Variants in CEP89 observed in about 807,000 individuals in gnomAD.
CEP89 encodes the protein centrosomal protein 89.
A neutral mutation model predicts 97.6 loss-of-function variants in CEP89; 95 were observed. The ratio of observed to expected loss-of-function variants is 0.97; its 90% CI spans 0.82 to 1.15. The LOEUF is 1.15. Among genes scored for constraint, CEP89 ranks in the 50% most tolerant of loss-of-function variants. CEP89 has a pLI of 0.00. For synonymous variants in CEP89, 354 were observed against 349.1 expected (o/e 1.01, Z -0.16); for missense variants, 869 against 947.7 (o/e 0.92, Z 1.09).
At chr19:32,888,844 C>T (rs1969454388) in intron 16 of CEP89, among the ~76,000 whole-genome samples, 1 of 151,948 alleles carries the variant, frequency 6.6e-6, no homozygotes, top group South Asian at 2.1e-4. Context: ...AAGTCTCGCT[C>T]TGTCACCCAG....
intron 14 of CEP89, among the ~76,000 whole-genome samples, chr19:32,908,833 C>G (rs1212055220): frequency 6.6e-6 from 1 of 152,218 alleles, no homozygotes; most frequent in East Asian, 1.9e-4. Context: ...GGTTATGCCT[C>G]AGGCAAAGGT....
At chr19:32,958,782 C>T (rs1971103277) in intron 3 of CEP89, among the ~76,000 whole-genome samples, 2 of 152,058 alleles carry the variant, frequency 1.3e-5, no homozygotes, top group Admixed American at 6.6e-5. Context: ...TTTGGGAGGC[C>T]GAGGCGGGTG....
rs1015593017 is a variant in CEP89, at chr19:32,915,642, C to T, written c.1385-125G>A. On this transcript the variant is annotated intron_variant, in intron 13 of 18. Coordinates refer to ENST00000305768, the MANE Select transcript of CEP89 (RefSeq NM_032816.5). ...ATGACCTTTTAAAGATCTTTTGAGC[C>T]AGACGTGGTGGCTCACACCTGTAAT... 7.7e-5 allele frequency: 70 copies of T among 907,934 alleles called. No individual in the cohort carries two copies. In the African/African-American group the frequency reaches 9.5e-4, roughly 12 times the overall value. 56.2% of individuals were successfully genotyped at this position (907,934 alleles called of 1,614,324 possible).
intron 12 of CEP89, among the ~76,000 whole-genome samples, chr19:32,920,984 G>A (rs1259157528): frequency 4.0e-5 from 6 of 151,826 alleles, no homozygotes; most frequent in Non-Finnish European, 5.9e-5. Flanking sequence ...TTGGGAGGCC[G>A]AGGCGGGCAG....
intron 12 of CEP89, among the ~76,000 whole-genome samples, chr19:32,918,805 C>G (rs1212313055): frequency 6.7e-6 from 1 of 149,316 alleles, no homozygotes; most frequent in Non-Finnish European, 1.5e-5. Flanking sequence ...CAAAACAAAA[C>G]AAAACAAAAA....
intron 13 of CEP89, chr19:32,917,708 A>T: frequency 1.5e-6 from 1 of 681,072 alleles, no homozygotes; most frequent in Non-Finnish European, 1.8e-6. Context: ...TGAGGCTCCT[A>T]GGGGTTGGGG....
At chr19:32,957,680 C>T (rs768999320) in intron 3 of CEP89, among the ~76,000 whole-genome samples, 10 of 151,920 alleles carry the variant, frequency 6.6e-5, no homozygotes, top group Non-Finnish European at 1.2e-4. Flanking sequence ...TGTAGTGGCG[C>T]ACAACTGTAG....
intron 11 of CEP89, among the ~76,000 whole-genome samples, chr19:32,924,227 A>G (rs1293193955): frequency 6.6e-6 from 1 of 152,104 alleles, no homozygotes; most frequent in Admixed American, 6.6e-5. Context: ...TCCTAGGCTC[A>G]AGGAATCTTC....
chr19:32,903,652 T>G (rs913521578), intron 14 of CEP89, among the ~76,000 whole-genome samples: 5 of 152,034 alleles, frequency 3.3e-5, no homozygotes, highest in African/African-American at 7.2e-5. Context: ...TGAAGAGAGA[T>G]AGTAATAGAC....
chr19:32,938,993 C>A (rs1472526765), intron 6 of CEP89, among the ~76,000 whole-genome samples: 1 of 152,052 alleles, frequency 6.6e-6, no homozygotes, highest in Admixed American at 6.6e-5. Flanking sequence ...TGCCTGCAAT[C>A]CCAATGCCCT....
At chr19:32,903,837 A>T (rs566852380) in intron 14 of CEP89, among the ~76,000 whole-genome samples, 5 of 152,324 alleles carry the variant, frequency 3.3e-5, no homozygotes, top group Non-Finnish European at 7.3e-5. Flanking sequence ...TGATAGCCCC[A>T]AGAAGCTTAA....
intron 3 of CEP89, among the ~76,000 whole-genome samples, chr19:32,958,634 G>A (rs1462702560): frequency 6.6e-6 from 1 of 152,052 alleles, no homozygotes; most frequent in East Asian, 1.9e-4. Flanking sequence ...AGCCAGGATT[G>A]CACCACTGCC....
At chr19:32,914,531 C>G (rs1193679955) in intron 14 of CEP89, among the ~76,000 whole-genome samples, 1 of 151,916 alleles carries the variant, frequency 6.6e-6, no homozygotes, top group African/African-American at 2.4e-5. Context: ...CTTGGCCTCT[C>G]AAAGTGTTGG....
At chr19:32,928,423 CT>C (rs1199052281) in intron 9 of CEP89, among the ~76,000 whole-genome samples, 4 of 151,854 alleles carry the variant, frequency 2.6e-5, no homozygotes, top group Admixed American at 1.3e-4. Flanking sequence ...TGTGGATCAC[CT>C]TCATGCTTCT....
intron 2 of CEP89, among the ~76,000 whole-genome samples, chr19:32,964,163 C>A (rs1971233398): frequency 6.7e-6 from 1 of 149,546 alleles, no homozygotes; most frequent in South Asian, 2.1e-4. Context: ...TGTATCCAAA[C>A]ATTTGTGTAT....
At chr19:32,964,879 TATTA>T (rs1405026946) in intron 2 of CEP89, among the ~76,000 whole-genome samples, 6 of 152,164 alleles carry the variant, frequency 3.9e-5, no homozygotes, top group African/African-American at 7.2e-5. Flanking sequence ...GGAGCTACCC[TATTA>T]ATTATCTTTT....
At chr19:32,929,786 A>G (rs759983080) in intron 9 of CEP89, among the ~76,000 whole-genome samples, 3 of 152,196 alleles carry the variant, frequency 2.0e-5, no homozygotes, top group Non-Finnish European at 4.4e-5. Context: ...TTTGAATTAT[A>G]GGACCCTAAG....
At chr19:32,956,049 C>CTT (rs202179963) in intron 3 of CEP89, among the ~76,000 whole-genome samples, 3,976 of 105,302 alleles carry the variant, frequency 0.038, 346 homozygotes, top group African/African-American at 0.1. Context: ...CAATTTGGTT[C>CTT]TTTTTTTTTT....
intron 1 of CEP89, 110 bp downstream of exon 1, chr19:32,971,726 G>C (rs1212134948): frequency 1.9e-6 from 2 of 1,059,386 alleles, no homozygotes; most frequent in Admixed American, 4.1e-5. Context: ...ACTTTCTCTT[G>C]TGCCGCCCCC....
Sources: allele counts gnomAD v4.1 joint callset (sites outside exome capture counted in the v4.1 genomes callset), GRCh38; gene constraint gnomAD v4.1.1; transcripts MANE v1.5; gene names NCBI Gene and HGNC (gene_info 2026-07-23, HGNC 2026-07-21).